The following MCC variants were observed in gnomAD, a reference collection of about 807,000 sequenced individuals.
MCC encodes MCC regulator of Wnt signaling pathway, also known as colorectal mutant cancer protein.
In MCC, 90 loss-of-function variants were observed where a neutral mutation model predicts 116.2. The ratio of observed to expected loss-of-function variants is 0.77; its 90% CI spans 0.65 to 0.92. MCC has a LOEUF of 0.92. MCC is among the 40% of genes least tolerant of loss of function. The probability of loss-of-function intolerance (pLI) is 0.00; values close to 1 mark genes in which losing one functional copy is unlikely to be tolerated. For synonymous variants in MCC, 578 were observed against 510.5 expected (o/e 1.13, Z -1.78); for missense variants, 1,516 against 1,312.2 (o/e 1.16, Z -2.40).
chr5:113,435,147 C>T (rs759867215), intron 1 of MCC: 33 of 348,852 alleles, frequency 9.5e-5, no homozygotes, highest in East Asian at 8.4e-4. Context: ...AAAGTGGCCT[C>T]GTGTCTTGCT....
At chr5:113,277,994 C>T (rs1765891688) in intron 3 of MCC, among the ~76,000 whole-genome samples, 1 of 152,178 alleles carries the variant, frequency 6.6e-6, no homozygotes, top group Non-Finnish European at 1.5e-5. Context: ...CTGGATTTTA[C>T]TAGGAGATCT....
chr5:113,257,177 G>A (rs948059033), intron 3 of MCC, among the ~76,000 whole-genome samples: 1 of 152,118 alleles, frequency 6.6e-6, no homozygotes, highest in Non-Finnish European at 1.5e-5. Flanking sequence ...CATTTTTAAG[G>A]TCCATGGGCT....
chr5:113,142,063 T>G (rs1435985739), intron 5 of MCC, among the ~76,000 whole-genome samples: 1 of 152,172 alleles, frequency 6.6e-6, no homozygotes, highest in Non-Finnish European at 1.5e-5. Context: ...TAAATTAGAA[T>G]ATGCAGTTTA....
rs78102202 is a variant in MCC at position 113,434,901 on chromosome 5, G to A, written c.171-49689C>T. 0.013 allele frequency: 19,781 copies of A among 1,540,340 alleles called. 459 individuals carry two copies. Among genetic ancestry groups the A allele is most frequent in the African/African-American group, 0.099 (7,213 of 72,774 alleles). Reference sequence around the variant, plus strand: ...CTACAGCCCCGAGGCGCATGGGCCAGCAGTGTGCTCATTTACATCCTGGAT... The same window carrying A: ...CTACAGCCCCGAGGCGCATGGGCCAACAGTGTGCTCATTTACATCCTGGAT... On this transcript the variant is annotated intron_variant, in intron 1 of 18. Transcript: ENST00000408903. The surrounding 1 kb of genome is among the most constrained non-coding windows in gnomAD (Gnocchi z 4.2).
intron 3 of MCC, among the ~76,000 whole-genome samples, chr5:113,312,682 C>T (rs1767164358): frequency 1.3e-5 from 2 of 152,208 alleles, no homozygotes; most frequent in Admixed American, 1.3e-4. Flanking sequence ...ATGAGAACTA[C>T]TGAATGGTTT....
chr5:113,146,132 A>T (rs1759501451), intron 4 of MCC, among the ~76,000 whole-genome samples: 1 of 152,174 alleles, frequency 6.6e-6, no homozygotes, highest in Non-Finnish European at 1.5e-5. Flanking sequence ...AAAAAATAGC[A>T]TACAATGTAG....
chr5:113,190,786 G>A (rs1762118168), intron 3 of MCC, among the ~76,000 whole-genome samples: 2 of 152,190 alleles, frequency 1.3e-5, no homozygotes, highest in African/African-American at 2.4e-5. Context: ...TCCTCTGAGT[G>A]GATTCCCTTA....
intron 1 of MCC, among the ~76,000 whole-genome samples, chr5:113,454,339 A>C (rs1383671179): frequency 6.6e-6 from 1 of 152,076 alleles, no homozygotes; most frequent in African/African-American, 2.4e-5. Flanking sequence ...TCTTGGGCTC[A>C]AGTGATCCTC....
intron 1 of MCC, among the ~76,000 whole-genome samples, chr5:113,457,362 G>A (rs978892699): frequency 1.2e-4 from 19 of 152,254 alleles, no homozygotes; most frequent in African/African-American, 3.4e-4. Context: ...ATTTCTCGCC[G>A]GGCCTTAGCT....
At chr5:113,206,328 T>C (rs868662890) in intron 3 of MCC, among the ~76,000 whole-genome samples, 1 of 152,362 alleles carries the variant, frequency 6.6e-6, no homozygotes, top group Non-Finnish European at 1.5e-5. Flanking sequence ...GTGTAATATA[T>C]ACCATAGAAC....
At chr5:113,069,267 T>G (rs148996413) in intron 12 of MCC, among the ~76,000 whole-genome samples, 2 of 152,312 alleles carry the variant, frequency 1.3e-5, no homozygotes, top group African/African-American at 4.8e-5. Flanking sequence ...TCACAAAAGC[T>G]CTGACAAGAG....
intron 6 of MCC, 122 bp from the exon 7 acceptor site, chr5:113,104,477 A>C (rs1026810534): frequency 2.5e-4 from 199 of 799,012 alleles, no homozygotes; most frequent in Admixed American, 1.7e-4. Context: ...AAAGTTCAAC[A>C]CCAGCCAGCC....
chr5:113,379,030 A>G (rs970922001), intron 2 of MCC, among the ~76,000 whole-genome samples: 2 of 152,234 alleles, frequency 1.3e-5, no homozygotes, highest in Non-Finnish European at 2.9e-5. Flanking sequence ...GTTCTGGTAT[A>G]ATGTATGCAT....
At chr5:113,416,192 T>G (rs960728771) in intron 1 of MCC, among the ~76,000 whole-genome samples, 1 of 152,228 alleles carries the variant, frequency 6.6e-6, no homozygotes, top group Non-Finnish European at 1.5e-5. Flanking sequence ...CATCTTGGAA[T>G]GGACCTATGC....
At chr5:113,064,632 G>C (rs1199655555) in intron 13 of MCC, among the ~76,000 whole-genome samples, 1 of 152,192 alleles carries the variant, frequency 6.6e-6, no homozygotes, top group Non-Finnish European at 1.5e-5. Flanking sequence ...CCCTGTGTGG[G>C]GGCAAGAGAG....
chr5:113,276,977 A>C (rs1439898239), intron 3 of MCC, among the ~76,000 whole-genome samples: 4 of 151,840 alleles, frequency 2.6e-5, no homozygotes, highest in African/African-American at 9.7e-5. Context: ...TATATCAAGG[A>C]AAACTTGAAA....
intron 3 of MCC, among the ~76,000 whole-genome samples, chr5:113,153,912 C>G (rs1760027287): frequency 6.6e-6 from 1 of 152,238 alleles, no homozygotes; most frequent in African/African-American, 2.4e-5. Context: ...TCACAGTCAG[C>G]TGAGCACCAG....
intron 1 of MCC, among the ~76,000 whole-genome samples, chr5:113,445,679 C>T (rs1468968551): frequency 6.6e-6 from 1 of 152,110 alleles, no homozygotes. Flanking sequence ...AAGCGATCTA[C>T]AGATTCAATG....
intron 1 of MCC, among the ~76,000 whole-genome samples, chr5:113,449,639 G>A (rs1409261381): frequency 6.6e-6 from 1 of 152,188 alleles, no homozygotes; most frequent in Non-Finnish European, 1.5e-5. Flanking sequence ...AGTAGGGCAA[G>A]GTAGAGTGGA....
Sources: allele counts gnomAD v4.1 joint callset (sites outside exome capture counted in the v4.1 genomes callset), GRCh38; gene constraint gnomAD v4.1.1; non-coding constraint Gnocchi (gnomAD v3.1); transcripts MANE v1.5; gene names NCBI Gene and HGNC (gene_info 2026-07-23, HGNC 2026-07-21).